The following ANKRD44 variants were observed in gnomAD, a reference collection of about 807,000 sequenced individuals.
ANKRD44 encodes serine/threonine-protein phosphatase 6 regulatory ankyrin repeat subunit B.
Under a neutral mutation model 116.0 loss-of-function variants are expected in ANKRD44, and 35 were observed. The ratio of observed to expected loss-of-function variants is 0.30; its 90% confidence interval spans 0.23 to 0.40. The LOEUF is 0.40. Ranked by LOEUF, ANKRD44 falls within the 10% of genes least tolerant of loss-of-function variation. The pLI is 1.00. For synonymous variants in ANKRD44, 435 were observed against 461.8 expected (o/e 0.94, Z 0.74); for missense variants, 1,014 against 1,242.6 (o/e 0.82, Z 2.77).
chr2:197,229,264 T>C (rs1403345931), intron 1 of ANKRD44, among the ~76,000 whole-genome samples: 1 of 152,246 alleles, frequency 6.6e-6, no homozygotes, highest in Admixed American at 6.5e-5. Flanking sequence ...TTGAGTTCTT[T>C]GCTCTGTTAA....
chr2:197,043,812 T>C (rs190179231), intron 16 of ANKRD44, among the ~76,000 whole-genome samples: 13 of 152,260 alleles, frequency 8.5e-5, no homozygotes, highest in Admixed American at 2.0e-4. Context: ...GGTTCTTTAA[T>C]TTAGTGTATG....
At chr2:197,162,412 C>T (rs1406851516) in intron 2 of ANKRD44, among the ~76,000 whole-genome samples, 1 of 152,138 alleles carries the variant, frequency 6.6e-6, no homozygotes, top group Non-Finnish European at 1.5e-5. Context: ...CTGATGAGCT[C>T]CTTCTACCTT....
intron 9 of ANKRD44, among the ~76,000 whole-genome samples, chr2:197,105,890 CAG>C (rs1375396492): frequency 6.6e-6 from 1 of 152,194 alleles, no homozygotes; most frequent in Non-Finnish European, 1.5e-5. Context: ...AGATGTGGGA[CAG>C]AGATCCCCAG....
At chr2:197,277,789 G>A (rs952506106) in intron 1 of ANKRD44, among the ~76,000 whole-genome samples, 3 of 152,130 alleles carry the variant, frequency 2.0e-5, no homozygotes, top group Non-Finnish European at 4.4e-5. Flanking sequence ...TATTAGCGCT[G>A]TCACCAGCAT....
intron 16 of ANKRD44, among the ~76,000 whole-genome samples, chr2:197,026,824 G>A (rs1158691410): frequency 6.6e-6 from 1 of 152,108 alleles, no homozygotes; most frequent in Non-Finnish European, 1.5e-5. Flanking sequence ...GTGGAGATGA[G>A]AGAAACAGTT....
chr2:196,993,932 T>C (rs2075965839), intron 26 of ANKRD44, among the ~76,000 whole-genome samples: 1 of 152,186 alleles, frequency 6.6e-6, no homozygotes, highest in Admixed American at 6.5e-5. Flanking sequence ...TGACAGTAAA[T>C]ACGAAGACAG....
At chr2:197,178,977 A>T (rs1406784322) in intron 2 of ANKRD44, among the ~76,000 whole-genome samples, 1 of 152,170 alleles carries the variant, frequency 6.6e-6, no homozygotes, top group Non-Finnish European at 1.5e-5. Context: ...AGGCTGAGGC[A>T]GGAGGATCAC....
Position 197,185,584 on chromosome 2 carries a change from T to C in ANKRD44, c.111+1439A>G, listed in dbSNP as rs114716683. Among the ~76,000 whole-genome samples the C allele has an allele frequency of 2.4e-3, 359 of 152,344 alleles. 3 individuals carry two copies. Among genetic ancestry groups the C allele is most frequent in the African/African-American group, 8.0e-3 (331 of 41,580 alleles). On this transcript the variant is annotated intron_variant, in intron 2 of 27. Coordinates refer to ENST00000282272, the MANE Select transcript of ANKRD44 (RefSeq NM_001195144.2). ...AGCATGTACTGTACATAATTGCTTG[T>C]TCAACTCAAATCTAGGAAACTACTA...
At chr2:197,010,133 G>A (rs1296377085) in intron 18 of ANKRD44, among the ~76,000 whole-genome samples, 2 of 152,100 alleles carry the variant, frequency 1.3e-5, no homozygotes, top group Non-Finnish European at 1.5e-5. Flanking sequence ...GTAGGGACCT[G>A]GGGCCGCCTC....
intron 18 of ANKRD44, among the ~76,000 whole-genome samples, chr2:197,012,531 C>T (rs73049623): frequency 0.041 from 6,277 of 151,276 alleles, 409 homozygotes; most frequent in African/African-American, 0.14. Context: ...TATTACTAAC[C>T]TTATGGCTAA....
intron 17 of ANKRD44, among the ~76,000 whole-genome samples, chr2:197,020,669 C>G (rs1405472305): frequency 6.6e-6 from 1 of 151,956 alleles, no homozygotes; most frequent in Non-Finnish European, 1.5e-5. Flanking sequence ...GTTTGTAGCT[C>G]CTGAATTTTA....
chr2:196,993,619 C>T lies in ANKRD44; in HGVS notation c.2887G>A (p.Ala963Thr), dbSNP rs1012664236. The change falls in exon 27 of 28, where the codon GCC (alanine) becomes ACC (threonine). Residue 963 changes from alanine (A) to threonine (T), a missense_variant. Coordinates refer to ENST00000282272, the MANE Select transcript of ANKRD44 (RefSeq NM_001195144.2). Reference protein sequence around the residue: ...GLKVVVEELLAKGACVLAVDE... With the variant: ...GLKVVVEELLTKGACVLAVDE... The stretch of plus-strand genomic sequence containing the variant: ...ACAGCAAGTACACAGGCCCCTTTGG[C>T]CAGCAACTCCTCAACTACCACCTTT... 1.3e-6 allele frequency: 2 copies of T among 1,551,052 alleles called. No homozygotes were observed. Among genetic ancestry groups the T allele is most frequent in the Non-Finnish European group, 1.7e-6 (2 of 1,147,074 alleles).
At chr2:197,200,725 A>G (rs189480785) in intron 1 of ANKRD44, among the ~76,000 whole-genome samples, 2 of 152,296 alleles carry the variant, frequency 1.3e-5, no homozygotes, top group East Asian at 3.9e-4. Flanking sequence ...GCCCATCTGG[A>G]AAATAATATG....
chr2:197,215,642 T>C (rs2081426680), intron 1 of ANKRD44, among the ~76,000 whole-genome samples: 1 of 152,202 alleles, frequency 6.6e-6, no homozygotes, highest in Non-Finnish European at 1.5e-5. Context: ...GGATGAAATG[T>C]GTTCTTGATC....
At chr2:197,138,337 CAAAG>C (rs1391685610) in intron 3 of ANKRD44, among the ~76,000 whole-genome samples, 1 of 152,120 alleles carries the variant, frequency 6.6e-6, no homozygotes, top group Non-Finnish European at 1.5e-5. Context: ...TTTAAGAACA[CAAAG>C]AACCATCACC....
At chr2:197,194,764 C>T (rs1234491688) in intron 1 of ANKRD44, among the ~76,000 whole-genome samples, 2 of 152,030 alleles carry the variant, frequency 1.3e-5, no homozygotes, top group African/African-American at 2.4e-5. Context: ...AGATATAATT[C>T]CTTGCAACAA....
chr2:197,034,302 A>C (rs1357698990), intron 16 of ANKRD44, among the ~76,000 whole-genome samples: 1 of 152,116 alleles, frequency 6.6e-6, no homozygotes, highest in African/African-American at 2.4e-5. Flanking sequence ...GTAGTTATAC[A>C]TCAGAGAGTA....
intron 1 of ANKRD44, among the ~76,000 whole-genome samples, chr2:197,226,920 G>T (rs1418175744): frequency 2.0e-5 from 3 of 151,922 alleles, no homozygotes; most frequent in African/African-American, 7.3e-5. Context: ...ATTCCAAAAA[G>T]GGACCACAAT....
chr2:196,989,791 T>C, intron 27 of ANKRD44, 142 bp from the exon 28 acceptor site: 6 of 1,456,776 alleles, frequency 4.1e-6, no homozygotes, highest in Non-Finnish European at 5.4e-6. Flanking sequence ...CACTTTTCAC[T>C]GACTTGGTAT....
Sources: gnomAD v4.1 joint callset for allele counts (sites outside exome capture counted in the v4.1 genomes callset) on GRCh38, gnomAD v4.1.1 for gene constraint, MANE v1.5 for transcripts, NCBI Gene and HGNC (gene_info 2026-07-23, HGNC 2026-07-21) for gene names.